Variants in SLC12A7 observed in about 807,000 individuals in gnomAD.
SLC12A7 encodes K-Cl cotransporter 4.
In SLC12A7, 100 loss-of-function variants were observed where a neutral mutation model predicts 120.6. The ratio of observed to expected loss-of-function variants is 0.83; its 90% CI spans 0.71 to 0.98. The LOEUF (loss-of-function observed/expected upper bound fraction) is 0.98. Among genes scored for constraint, SLC12A7 ranks in the 50% least tolerant of loss-of-function variants. The probability of loss-of-function intolerance (pLI) is 0.00; values close to 1 mark genes in which losing one functional copy is unlikely to be tolerated. For synonymous variants in SLC12A7, 760 were observed against 678.0 expected (o/e 1.12, Z -1.88); for missense variants, 1,373 against 1,548.1 (o/e 0.89, Z 1.90).
chr5:1,053,530 C>T, intron 22 of SLC12A7, 48 bp from the exon 23 acceptor site: 1 of 1,599,014 alleles, frequency 6.3e-7, no homozygotes, highest in Non-Finnish European at 8.5e-7. Flanking sequence ...GCACCCCACG[C>T]TCCGGACACG....
At chr5:1,142,978 G>A in the SLC12A7 span, among the ~76,000 whole-genome samples, 8 of 151,202 alleles carry the variant, frequency 5.3e-5, no homozygotes, top group African/African-American at 1.9e-4. Context: ...CCCGGGCCCC[G>A]GTATTCATGG....
chr5:1,100,217 G>A (rs549987876), intron 1 of SLC12A7, among the ~76,000 whole-genome samples: 15 of 152,250 alleles, frequency 9.9e-5, no homozygotes, highest in South Asian at 6.2e-4. Flanking sequence ...ACCCTCGGGC[G>A]GCACCGGGAC....
At chr5:1,084,035 C>T in intron 7 of SLC12A7, 79 bp from the exon 8 acceptor site, 1 of 1,303,906 alleles carries the variant, frequency 7.7e-7, no homozygotes, top group Non-Finnish European at 1.1e-6. Context: ...CCCCAACGGG[C>T]ACCCATGGTG....
At chr5:1,134,526 G>T in the SLC12A7 span, among the ~76,000 whole-genome samples, 19 of 152,076 alleles carry the variant, frequency 1.2e-4, no homozygotes, top group African/African-American at 4.6e-4. Flanking sequence ...AGGAGAAAAT[G>T]AATGCTGTAA....
intron 23 of SLC12A7, 108 bp downstream of exon 23, chr5:1,053,241 G>C: frequency 1.5e-6 from 2 of 1,356,678 alleles, no homozygotes; most frequent in Admixed American, 2.4e-5. Flanking sequence ...GGGGCTGAAG[G>C]AGAGGCGGGA....
chr5:1,086,880 C>T (rs1253505179), intron 6 of SLC12A7, 23 bp downstream of exon 6: 1 of 1,610,176 alleles, frequency 6.2e-7, no homozygotes, highest in African/African-American at 1.3e-5. Flanking sequence ...GGGGTGGGAA[C>T]CCTTCCAAAG....
At chr5:1,098,086 C>A (rs1398951775) in intron 1 of SLC12A7, among the ~76,000 whole-genome samples, 1 of 150,088 alleles carries the variant, frequency 6.7e-6, no homozygotes, top group African/African-American at 2.5e-5. Context: ...ACCCAGCCGC[C>A]CCCTCCAACC....
rs41280368 is a variant in SLC12A7, at chr5:1,074,747, G to A, written c.1968-76C>T. Reference sequence around the variant, plus strand: ...CTCCCACCTGGGAAAGGGGACTTCTGGGGGCAGGTGAGTTGGGGCAAACAG... The same window carrying A: ...CTCCCACCTGGGAAAGGGGACTTCTAGGGGCAGGTGAGTTGGGGCAAACAG... On this transcript the variant is annotated intron_variant, in intron 15 of 23. Coordinates refer to ENST00000264930, the MANE Select transcript of SLC12A7 (RefSeq NM_006598.3). 40 of 1,390,456 alleles carry A rather than the reference G, an allele frequency of 2.9e-5. 1 individual carries two copies. The highest frequency in any genetic ancestry group is 3.9e-5 in the Non-Finnish European group (39 of 1,003,496). 86.1% of individuals were successfully genotyped at this position (1,390,456 alleles called of 1,614,324 possible). A position where few individuals can be genotyped will look rare whatever the true frequency, so the allele number is the denominator to read the frequency against.
chr5:1,057,195 C>T, intron 22 of SLC12A7: 1 of 425,888 alleles, frequency 2.3e-6, no homozygotes, highest in Non-Finnish European at 4.1e-6. Context: ...CTAGAAGGAC[C>T]CCTCAGCACT....
intron 9 of SLC12A7, among the ~76,000 whole-genome samples, chr5:1,079,727 A>T (rs1326552913): frequency 6.6e-6 from 1 of 152,132 alleles, no homozygotes; most frequent in Non-Finnish European, 1.5e-5. Context: ...GGATCCGAGG[A>T]CGAGAACCGA....
At chr5:1,131,727 G>A in the SLC12A7 span, among the ~76,000 whole-genome samples, 1 of 152,246 alleles carries the variant, frequency 6.6e-6, no homozygotes, top group African/African-American at 2.4e-5. Context: ...GCCATGGCTT[G>A]TCTGGGGTGG....
At chr5:1,061,068 CCG>C (rs1736169274) in intron 20 of SLC12A7, among the ~76,000 whole-genome samples, 1 of 111,700 alleles carries the variant, frequency 9.0e-6, no homozygotes, top group African/African-American at 3.6e-5. Context: ...GCCGCACCCG[CCG>C]CACCTGCCGC....
chr5:1,054,555 G>A (rs948474882), intron 22 of SLC12A7, among the ~76,000 whole-genome samples: 2 of 152,236 alleles, frequency 1.3e-5, no homozygotes, highest in Admixed American at 1.3e-4. Flanking sequence ...AACCCGGCCC[G>A]TGTGTGGACT....
chr5:1,114,084 G>A (rs560074792), upstream of SLC12A7, among the ~76,000 whole-genome samples: 21 of 152,348 alleles, frequency 1.4e-4, no homozygotes, highest in African/African-American at 1.9e-4. Flanking sequence ...GCCAGCTCCC[G>A]GACTCAGGAC....
In SLC12A7 at chr5:1,095,200, A is replaced by G. The variant is rs1741004077; in HGVS notation, c.125-952T>C. On this transcript the variant is annotated intron_variant, in intron 1 of 23. Coordinates refer to ENST00000264930, the MANE Select transcript of SLC12A7 (RefSeq NM_006598.3). Reference sequence around the variant, plus strand: ...AACCTAGGGCCCTCGCCAGACCCCAAACCTGCCCAGGCCTTGGTCTAAGAC... The same window carrying G: ...AACCTAGGGCCCTCGCCAGACCCCAGACCTGCCCAGGCCTTGGTCTAAGAC... Among the ~76,000 whole-genome samples, 4 of 152,152 alleles carry G rather than the reference A, an allele frequency of 2.6e-5. No individual in the cohort carries two copies. In the South Asian group the frequency reaches 8.3e-4, roughly 31 times the overall value.
the SLC12A7 span, among the ~76,000 whole-genome samples, chr5:1,146,590 T>C: frequency 6.6e-6 from 1 of 152,128 alleles, no homozygotes; most frequent in Admixed American, 6.5e-5. This position sits in a 1 kb window ranked among gnomAD's most constrained non-coding sequence, Gnocchi z 6.5. Flanking sequence ...TGGTCGGCCA[T>C]GCCTCATGCC....
Position 1,085,460 on chromosome 5 carries a change from G to A in SLC12A7, c.689C>T (p.Pro230Leu), listed in dbSNP as rs752118305. 7 of 1,606,526 alleles carry A rather than the reference G, an allele frequency of 4.4e-6. No homozygotes were observed. Among genetic ancestry groups the A allele is most frequent in the East Asian group, 2.2e-5 (1 of 44,508 alleles). The change falls in exon 7 of 24, where the codon CCG becomes CTG. Residue 230 changes from proline to leucine, a missense_variant. By Grantham distance (98) the Pro-to-Leu change is moderately conservative (BLOSUM62 -3). Coordinates refer to ENST00000264930, the MANE Select transcript of SLC12A7 (RefSeq NM_006598.3). ...TIEIFLTYIS[P>L]GAAIFQAEAA... ...CTCCGCCTGGAAGATGGCCGCACCC[G>A]GGGAGATGTACGTCTGTGGGAACAA...
At chr5:1,087,241 G>A (rs111665786) in intron 5 of SLC12A7, among the ~76,000 whole-genome samples, 2,755 of 152,288 alleles carry the variant, frequency 0.018, 76 homozygotes, top group African/African-American at 0.057. Flanking sequence ...CACACCAAGA[G>A]CACGCGCTCT....
At chr5:1,153,476 C>G in the SLC12A7 span, among the ~76,000 whole-genome samples, 1 of 152,180 alleles carries the variant, frequency 6.6e-6, no homozygotes, top group Admixed American at 6.5e-5. Flanking sequence ...GCTGGGCACC[C>G]GGAGGAGAGG....
Sources: gnomAD v4.1 joint callset for allele counts (sites outside exome capture counted in the v4.1 genomes callset) on GRCh38, gnomAD v4.1.1 for gene constraint, Gnocchi (gnomAD v3.1) non-coding constraint, MANE v1.5 for transcripts, NCBI Gene and HGNC (gene_info 2026-07-23, HGNC 2026-07-21) for gene names.